Variants in AP4E1 observed in about 807,000 individuals in gnomAD.
The protein encoded by AP4E1 is AP-4 complex subunit epsilon-1.
In AP4E1, 56 loss-of-function variants were observed where a neutral mutation model predicts 128.2. That is an observed-to-expected ratio of 0.44 (90% CI 0.35 to 0.55). AP4E1 has a LOEUF of 0.55. Ranked by LOEUF, AP4E1 falls within the 20% of genes least tolerant of loss-of-function variation. The pLI is 0.00. For synonymous variants in AP4E1, 484 were observed against 473.1 expected, an observed-to-expected ratio of 1.02 and a Z score of -0.30; for missense variants, 1,324 against 1,307.7, an observed-to-expected ratio of 1.01 and a Z score of -0.19.
chr15:50,990,222 A>T (rs1202065306), intron 16 of AP4E1, among the ~76,000 whole-genome samples: 1 of 152,018 alleles, frequency 6.6e-6, no homozygotes, highest in African/African-American at 2.4e-5. Flanking sequence ...CCGGGCAAAG[A>T]TGACTCATGT....
At chr15:50,907,809 TGAG>T (rs1248422313), upstream of AP4E1, among the ~76,000 whole-genome samples, 1 of 152,218 alleles carries the variant, frequency 6.6e-6, no homozygotes, top group Non-Finnish European at 1.5e-5. Flanking sequence ...TCAGCGACCC[TGAG>T]GTCACCAGAC....
At chr15:50,964,730 A>G (rs1409755532) in intron 14 of AP4E1, among the ~76,000 whole-genome samples, 1 of 152,054 alleles carries the variant, frequency 6.6e-6, no homozygotes, top group African/African-American at 2.4e-5. Flanking sequence ...TGATTTCTTC[A>G]ACTGTAATCA....
intron 8 of AP4E1, among the ~76,000 whole-genome samples, chr15:50,938,826 T>C (rs2063945342): frequency 1.3e-5 from 2 of 152,034 alleles, no homozygotes; most frequent in African/African-American, 4.8e-5. Flanking sequence ...ACCAGGAGCC[T>C]CTCCATCCCC....
chr15:50,929,220 A>T (rs1437387982), intron 6 of AP4E1, 52 bp downstream of exon 6: 3 of 1,552,590 alleles, frequency 1.9e-6, no homozygotes, highest in Non-Finnish European at 2.7e-6. Flanking sequence ...GAAAAATACA[A>T]TTATGGAATT....
chr15:50,925,308 C>A, intron 5 of AP4E1, 89 bp downstream of exon 5: 4 of 1,356,788 alleles, frequency 2.9e-6, no homozygotes, highest in Non-Finnish European at 4.1e-6. Flanking sequence ...TTCAGTGCTA[C>A]CAGGATAGAG....
At chr15:50,924,772 A>G (rs1320297917) in intron 4 of AP4E1, among the ~76,000 whole-genome samples, 2 of 152,214 alleles carry the variant, frequency 1.3e-5, no homozygotes, top group East Asian at 1.9e-4. Context: ...TTGTTGATTA[A>G]TAAGAAAAAC....
chr15:50,928,827 G>T (rs2063797746), intron 5 of AP4E1, among the ~76,000 whole-genome samples, 182 bp from the exon 6 acceptor site: 1 of 150,744 alleles, frequency 6.6e-6, no homozygotes, highest in South Asian at 2.1e-4. Context: ...CTTCCTAGAG[G>T]TAACCACTTT....
chr15:50,958,590 A>G lies in AP4E1; in HGVS notation c.1647A>G (p.Glu549=), dbSNP rs1216044758. The G allele has an allele frequency of 6.2e-7, 1 of 1,614,132 alleles. No individual in the cohort carries two copies. The highest frequency in any genetic ancestry group is 8.5e-7 in the Non-Finnish European group (1 of 1,180,032). Residue 549 remains glutamate (E), a synonymous_variant, in exon 14 of 21, where the codon GAA becomes GAG. Coordinates refer to ENST00000261842, the MANE Select transcript of AP4E1 (RefSeq NM_007347.5). ...KLLMNDSVSS[E]TKAWLIAAVT... Reference sequence around the variant, plus strand: ...TTATGAATGACTCTGTGTCTTCAGAAACAAAAGCCTGGTTAATTGCTGCTG... The same window carrying G: ...TTATGAATGACTCTGTGTCTTCAGAGACAAAAGCCTGGTTAATTGCTGCTG...
intron 2 of AP4E1, among the ~76,000 whole-genome samples, chr15:50,913,858 G>A (rs33999678): frequency 3.3e-5 from 5 of 152,212 alleles, no homozygotes; most frequent in Middle Eastern, 6.8e-3. Flanking sequence ...CTGTTGCCTA[G>A]GCTGGAGTGC....
At position 50,972,343 on chromosome 15, in the gene AP4E1, C is replaced by G. The variant is rs540080519; in HGVS notation, c.1966+3966C>G. 9.2e-5 allele frequency among the ~76,000 whole-genome samples: 14 copies of G among 152,274 alleles called. No homozygotes were observed. In the South Asian group the frequency reaches 2.5e-3, roughly 27 times the overall value. On this transcript the variant is annotated intron_variant, in intron 15 of 20. Coordinates refer to ENST00000261842, the MANE Select transcript of AP4E1 (RefSeq NM_007347.5). ...TCTCCCATCTCAGCCTCCCAAGTAG[C>G]TGGGACTACAGGCACACACCACCAC...
At position 50,948,628 on chromosome 15, in the gene AP4E1, A is replaced by G. The variant is rs536488345; in HGVS notation, c.1316+469A>G. Among the ~76,000 whole-genome samples the G allele has an allele frequency of 2.6e-5, 4 of 152,314 alleles. No individual in the cohort carries two copies. In the South Asian group the frequency reaches 8.3e-4, roughly 32 times the overall value. On this transcript the variant is annotated intron_variant, in intron 11 of 20. Transcript: ENST00000261842. ...TTACTCTTCTTCATGTTTGTTTCTT[A>G]AAAGTCAGAAGAACTTTACAGGTCA...
At chr15:50,981,606 G>A (rs1344923462) in intron 15 of AP4E1, among the ~76,000 whole-genome samples, 1 of 152,192 alleles carries the variant, frequency 6.6e-6, no homozygotes, top group African/African-American at 2.4e-5. Context: ...GCATCATAAG[G>A]ACATGATTTT....
chr15:50,958,761 G>A lies in AP4E1; in HGVS notation c.1818G>A (p.Leu606=). ...AGAATGTGGAACTTATGAAGAGCTT[G>A]CTTCCAGTTGACAGGAGTTGTGAAG... The part of the protein sequence containing the change: ...LHENVELMKS[L]LPVDRSCEDL... The change falls in exon 14 of 21, where the codon TTG becomes TTA. Residue 606 remains leucine (L), a synonymous_variant. Transcript: ENST00000261842. 9 of 1,614,134 alleles carry A rather than the reference G, an allele frequency of 5.6e-6. No homozygotes were observed. The highest frequency in any genetic ancestry group is 7.6e-6 in the Non-Finnish European group (9 of 1,180,002).
chr15:50,925,246 TC>T (rs1341435083), intron 5 of AP4E1, 27 bp downstream of exon 5: 1 of 1,600,652 alleles, frequency 6.2e-7, no homozygotes, highest in Admixed American at 1.7e-5. Context: ...GGGATAGGCA[TC>T]TATGCCATAT....
rs1175511567 is a variant in AP4E1 at position 51,004,024 on chromosome 15, ATTT to A, written c.*1365_*1367del. The A allele has an allele frequency of 1.3e-5, 2 of 152,210 alleles. No homozygotes were observed. The highest frequency in any genetic ancestry group is 1.3e-4 in the Admixed American group (2 of 15,284). The allele number at this position is 152,210 out of a possible 1,614,324, so 9.4% of individuals were successfully genotyped here. On this transcript the variant is annotated 3_prime_UTR_variant, in exon 21 of 21. Transcript: ENST00000261842. ...AAAGCAGTATTTTCTTTCTCAATTAATTTTTAAGTTATTCATTAAAAAATATAT... is the reference window on the plus strand; with the variant it reads ...AAAGCAGTATTTTCTTTCTCAATTAATTAAGTTATTCATTAAAAAATATAT...
Position 50,923,997 on chromosome 15 carries a change from T to C in AP4E1, c.413T>C (p.Val138Ala). ...TTATTGCTTCTCCTTGTGAATACAG[T>C]TGTAAAGGTATTGTATTGTATGTTG... Reference protein sequence around the residue: ...HELLLLLVNTVVKDLQSTNLV... With the variant: ...HELLLLLVNTAVKDLQSTNLV... Residue 138 changes from valine to alanine, a missense_variant, in exon 4 of 21, where the codon GTT becomes GCT. By Grantham distance (64) the Val-to-Ala change is moderately conservative (BLOSUM62 0). Transcript: ENST00000261842. 6.2e-7 allele frequency: 1 copy of C among 1,606,864 alleles called. No individual in the cohort carries two copies. The highest frequency in any genetic ancestry group is 1.7e-5 in the Admixed American group (1 of 59,980).
At chr15:50,924,965 A>G (rs1031934435) in intron 4 of AP4E1, 133 bp from the exon 5 acceptor site, 4 of 1,073,652 alleles carry the variant, frequency 3.7e-6, no homozygotes, top group Non-Finnish European at 4.1e-6. Flanking sequence ...AAAATATGCC[A>G]TAAGTTTGGA....
chr15:50,971,870 TTGTC>T (rs1392095990), intron 15 of AP4E1, among the ~76,000 whole-genome samples: 3 of 152,182 alleles, frequency 2.0e-5, no homozygotes, highest in Non-Finnish European at 4.4e-5. Context: ...TTTCATTGAA[TTGTC>T]TGTCTGTATT....
chr15:50,979,665 C>T (rs1421257950), intron 15 of AP4E1, among the ~76,000 whole-genome samples: 1 of 152,166 alleles, frequency 6.6e-6, no homozygotes, highest in Non-Finnish European at 1.5e-5. Flanking sequence ...GCTGGGATTA[C>T]AGGCGTCCAC....
Sources: gnomAD v4.1 joint callset for allele counts (sites outside exome capture counted in the v4.1 genomes callset) on GRCh38, gnomAD v4.1.1 for gene constraint, MANE v1.5 for transcripts, NCBI Gene and HGNC (gene_info 2026-07-23, HGNC 2026-07-21) for gene names.